The following FER variants were observed in gnomAD, a reference collection of about 807,000 sequenced individuals.
The protein encoded by FER is FER tyrosine kinase, also known as tyrosine-protein kinase Fer.
FER carries 63 observed loss-of-function variants against 111.0 expected under a neutral mutation model. The ratio of observed to expected loss-of-function variants is 0.57; its 90% CI spans 0.46 to 0.70. FER has a LOEUF of 0.70. FER is among the 30% of genes least tolerant of loss of function. The pLI, the probability that FER is intolerant of heterozygous loss-of-function variation, is 0.00. For synonymous variants in FER, 327 were observed against 313.9 expected (o/e 1.04, Z -0.44); for missense variants, 914 against 954.0 (o/e 0.96, Z 0.55).
chr5:108,845,598 C>CTTCTTT (rs765683169), intron 5 of FER, among the ~76,000 whole-genome samples: 11 of 151,506 alleles, frequency 7.3e-5, no homozygotes, highest in South Asian at 2.1e-4. Flanking sequence ...TTTTTTTCTC[C>CTTCTTT]TTCTTTTTCT....
In FER at chr5:108,942,153, C is replaced by T. The variant is rs189333197; in HGVS notation, c.1237-3977C>T. 2.5e-3 allele frequency among the ~76,000 whole-genome samples: 382 copies of T among 152,236 alleles called. 2 individuals are homozygous for T. Among genetic ancestry groups the T allele is most frequent in the Non-Finnish European group, 4.2e-3 (288 of 68,016 alleles). On this transcript the variant is annotated intron_variant, in intron 10 of 19. Coordinates refer to ENST00000281092, the MANE Select transcript of FER (RefSeq NM_005246.4). ...CACATTTGGGAAAAGCACCATGGAACGTGAACTGGCTATTGAATAGGACGG... is the reference window on the plus strand; with the variant it reads ...CACATTTGGGAAAAGCACCATGGAATGTGAACTGGCTATTGAATAGGACGG...
At chr5:108,991,281 T>G (rs1763140342) in intron 13 of FER, among the ~76,000 whole-genome samples, 1 of 152,032 alleles carries the variant, frequency 6.6e-6, no homozygotes, top group South Asian at 2.1e-4. Context: ...ATGCAATTAA[T>G]TGAATTATAA....
intron 13 of FER, among the ~76,000 whole-genome samples, chr5:109,002,125 T>G (rs1366449834): frequency 6.6e-6 from 1 of 151,126 alleles, no homozygotes; most frequent in Non-Finnish European, 1.5e-5. Flanking sequence ...AAAACTACTT[T>G]AAAGTTCATA....
At chr5:108,862,242 A>T (rs1267162637) in intron 5 of FER, among the ~76,000 whole-genome samples, 2 of 152,180 alleles carry the variant, frequency 1.3e-5, no homozygotes, top group Non-Finnish European at 1.5e-5. Context: ...TTTTGGCTCT[A>T]ATGACTTCAG....
chr5:108,952,332 A>G (rs1001158133), intron 11 of FER, among the ~76,000 whole-genome samples: 3 of 152,056 alleles, frequency 2.0e-5, no homozygotes, highest in Non-Finnish European at 4.4e-5. Flanking sequence ...TCCTACATAT[A>G]TTACTGTCAA....
rs903967628 is a variant in FER at position 109,106,813 on chromosome 5, GAA to G, written c.2048+6299_2048+6300del. Among the ~76,000 whole-genome samples the G allele has an allele frequency of 7.6e-4, 116 of 152,228 alleles. 1 individual carries two copies. The highest frequency in any genetic ancestry group is 2.5e-3 in the African/African-American group (104 of 41,552). On this transcript the variant is annotated intron_variant, in intron 17 of 19. Transcript: ENST00000281092. ...ACATGTGTAATATGTTTCCAGGAAT[GAA>G]AAAAGAGACCTTCCTTTATGTTAGC... is the stretch of plus-strand genomic sequence containing the variant.
chr5:109,171,769 T>C (rs1458299090), intron 17 of FER, among the ~76,000 whole-genome samples: 3 of 152,192 alleles, frequency 2.0e-5, no homozygotes, highest in African/African-American at 7.2e-5. Context: ...GACTAACTTC[T>C]GAGCCAGGTC....
At chr5:109,151,654 CAATGATCTGGAA>C (rs1754865769) in intron 17 of FER, among the ~76,000 whole-genome samples, 1 of 152,068 alleles carries the variant, frequency 6.6e-6, no homozygotes, top group African/African-American at 2.4e-5. Flanking sequence ...GCAACAGCTA[CAATGATCTGGAA>C]AATACATCAC....
intron 13 of FER, among the ~76,000 whole-genome samples, chr5:108,985,880 T>C (rs886411500): frequency 1.3e-5 from 2 of 152,192 alleles, no homozygotes; most frequent in African/African-American, 4.8e-5. Flanking sequence ...CAATTGCAAA[T>C]TGTGCTCCTG....
At chr5:109,022,709 G>T (rs1359451975) in intron 13 of FER, among the ~76,000 whole-genome samples, 2 of 152,084 alleles carry the variant, frequency 1.3e-5, no homozygotes, top group East Asian at 1.9e-4. Flanking sequence ...TCAAGACCTG[G>T]AACATGAACT....
intron 2 of FER, among the ~76,000 whole-genome samples, chr5:108,796,064 T>C (rs1342707390): frequency 1.3e-5 from 2 of 152,232 alleles, no homozygotes; most frequent in African/African-American, 4.8e-5. Context: ...GGTGCTGTCA[T>C]GTAAGCTGTA....
rs191853409 is a variant in FER at position 109,149,562 on chromosome 5, A to C, written c.2049-31185A>C. 1.8e-3 allele frequency among the ~76,000 whole-genome samples: 274 copies of C among 152,276 alleles called. 1 individual carries two copies. Among genetic ancestry groups the C allele is most frequent in the South Asian group, 5.2e-3 (25 of 4,824 alleles). The stretch of plus-strand genomic sequence containing the variant: ...AATCTAGTTTTGTATACCTACACCA[A>C]TAGAGAAACAAATTTCATATCAATC... On this transcript the variant is annotated intron_variant, in intron 17 of 19. Coordinates refer to ENST00000281092, the MANE Select transcript of FER (RefSeq NM_005246.4).
chr5:109,093,128 T>C (rs1228040712), intron 16 of FER, among the ~76,000 whole-genome samples: 1 of 152,190 alleles, frequency 6.6e-6, no homozygotes, highest in African/African-American at 2.4e-5. Context: ...TGTTGTTCAA[T>C]GAGTGTAGAG....
At position 109,187,642 on chromosome 5, in the gene FER, A is replaced by G. The variant is rs1759032397; in HGVS notation, c.*67A>G. 1 of 1,552,028 alleles carries G rather than the reference A, an allele frequency of 6.4e-7. No homozygotes were observed. On this transcript the variant is annotated 3_prime_UTR_variant, in exon 20 of 20. Transcript: ENST00000281092. ...CCAGCAGAGTAACATTATTGTTCTCATTAACAATGAATTTATACCACATTA... is the reference window on the plus strand; with the variant it reads ...CCAGCAGAGTAACATTATTGTTCTCGTTAACAATGAATTTATACCACATTA...
At position 108,976,928 on chromosome 5, in the gene FER, C is replaced by T. The variant is rs143373370; in HGVS notation, c.1656+17581C>T. Among the ~76,000 whole-genome samples, 59 of 152,226 alleles carry T rather than the reference C, an allele frequency of 3.9e-4. 1 individual carries two copies. In the East Asian group the frequency reaches 0.011, roughly 27 times the overall value. ...GGAACATTTCCAGCATCACTAGTGGCACTTTATGTGGGTCCCATGGTGTTA... is the reference window on the plus strand; with the variant it reads ...GGAACATTTCCAGCATCACTAGTGGTACTTTATGTGGGTCCCATGGTGTTA... On this transcript the variant is annotated intron_variant, in intron 13 of 19. Coordinates refer to ENST00000281092, the MANE Select transcript of FER (RefSeq NM_005246.4).
intron 1 of FER, among the ~76,000 whole-genome samples, chr5:108,761,266 T>G (rs1751717801): frequency 6.6e-6 from 1 of 152,174 alleles, no homozygotes; most frequent in South Asian, 2.1e-4. Flanking sequence ...CTAAGCTTAA[T>G]TTAGCTTTTA....
intron 16 of FER, among the ~76,000 whole-genome samples, chr5:109,100,145 C>T (rs1397793078): frequency 6.6e-6 from 1 of 151,594 alleles, no homozygotes; most frequent in South Asian, 2.1e-4. Flanking sequence ...TTATTATGAC[C>T]TGGATAATGT....
intron 17 of FER, among the ~76,000 whole-genome samples, chr5:109,167,129 TTATC>T (rs1346477197): frequency 6.6e-6 from 1 of 152,186 alleles, no homozygotes; most frequent in African/African-American, 2.4e-5. Context: ...AGGAATTAGT[TTATC>T]TATATCTGCA....
intron 16 of FER, among the ~76,000 whole-genome samples, chr5:109,082,086 T>A (rs1479912627): frequency 6.6e-6 from 1 of 152,064 alleles, no homozygotes; most frequent in South Asian, 2.1e-4. Context: ...TAATGATAAG[T>A]TAGAAGGCCT....
Sources: allele counts gnomAD v4.1 joint callset (sites outside exome capture counted in the v4.1 genomes callset), GRCh38; gene constraint gnomAD v4.1.1; transcripts MANE v1.5; gene names NCBI Gene and HGNC (gene_info 2026-07-23, HGNC 2026-07-21).